KAZN: variants seen among roughly 807,000 people sequenced by gnomAD.
The protein encoded by KAZN is kazrin.
KAZN carries 40 observed loss-of-function variants against 87.4 expected under a neutral mutation model. The observed-to-expected ratio is 0.46, with a 90% CI of 0.36 to 0.60. KAZN has a LOEUF of 0.60. Ranked by LOEUF, KAZN falls within the 20% of genes least tolerant of loss-of-function variation. KAZN has a pLI of 0.00. For synonymous variants in KAZN, 466 were observed against 458.3 expected, an observed-to-expected ratio of 1.02 and a Z score of -0.22; for missense variants, 898 against 1,073.9, an observed-to-expected ratio of 0.84 and a Z score of 2.29.
intron 1 of KAZN, among the ~76,000 whole-genome samples, chr1:13,992,064 C>T (rs1229115423): frequency 1.3e-5 from 2 of 152,166 alleles, no homozygotes; most frequent in African/African-American, 4.8e-5. Context: ...CTTACCTCTG[C>T]ATTTAGCACC....
chr1:14,088,342 C>T (rs1028822178), intron 1 of KAZN, among the ~76,000 whole-genome samples: 1 of 151,826 alleles, frequency 6.6e-6, no homozygotes, highest in African/African-American at 2.4e-5. Flanking sequence ...GATATCATTT[C>T]TCACTTAATT....
intron 1 of KAZN, among the ~76,000 whole-genome samples, chr1:14,167,754 C>A (rs7537907): frequency 0.15 from 22,012 of 151,682 alleles, 1,801 homozygotes; most frequent in East Asian, 0.33. Context: ...CAAGGAAGCA[C>A]CTGAAAAATG....
intron 2 of KAZN, among the ~76,000 whole-genome samples, chr1:14,228,495 A>G (rs1400243083): frequency 6.6e-6 from 1 of 152,180 alleles, no homozygotes; most frequent in Non-Finnish European, 1.5e-5. Context: ...TGTTCTGTAG[A>G]TCACTGGGAG....
intron 1 of KAZN, among the ~76,000 whole-genome samples, chr1:13,915,127 G>T (rs1055277696): frequency 6.6e-6 from 1 of 152,180 alleles, no homozygotes; most frequent in African/African-American, 2.4e-5. Context: ...ACGTGCAGTT[G>T]TATATATGTG....
At chr1:14,685,716 T>C (rs1640914421) in intron 1 of KAZN, among the ~76,000 whole-genome samples, 1 of 152,150 alleles carries the variant, frequency 6.6e-6, no homozygotes, top group African/African-American at 2.4e-5. Flanking sequence ...AAATGCTGTT[T>C]AGTTAGATAC....
intron 8 of KAZN, among the ~76,000 whole-genome samples, chr1:15,092,802 T>C (rs1640615157): frequency 6.6e-6 from 1 of 152,146 alleles, no homozygotes. Context: ...AACCCTCTTT[T>C]AGAGAGATTC....
chr1:14,704,807 G>C (rs182619695), intron 1 of KAZN, among the ~76,000 whole-genome samples: 1 of 152,194 alleles, frequency 6.6e-6, no homozygotes, highest in Admixed American at 6.5e-5. Context: ...AGAGGAGAGT[G>C]AGGTCAAGTT....
intron 1 of KAZN, among the ~76,000 whole-genome samples, chr1:14,762,657 G>A (rs1297703022): frequency 6.6e-6 from 1 of 152,086 alleles, no homozygotes; most frequent in East Asian, 1.9e-4. Context: ...CCCGGGAGGC[G>A]GAGCTGGCAG....
chr1:14,952,658 GCC>G (rs34565024), intron 1 of KAZN, among the ~76,000 whole-genome samples: 1 of 151,760 alleles, frequency 6.6e-6, no homozygotes, highest in East Asian at 1.9e-4. Flanking sequence ...TCCACTCAGA[GCC>G]CCCCAAGCTC....
At chr1:14,567,638 C>A (rs1674622625) in intron 2 of KAZN, among the ~76,000 whole-genome samples, 1 of 152,230 alleles carries the variant, frequency 6.6e-6, no homozygotes, top group South Asian at 2.1e-4. Flanking sequence ...ACAAACCTCT[C>A]TTTTAAACCT....
At chr1:14,050,254 G>A (rs1474598421) in intron 1 of KAZN, among the ~76,000 whole-genome samples, 2 of 151,938 alleles carry the variant, frequency 1.3e-5, no homozygotes, top group African/African-American at 4.8e-5. Flanking sequence ...GTGTGGGCAT[G>A]CCTGTGCACA....
chr1:14,695,609 G>A (rs150382761), intron 1 of KAZN, among the ~76,000 whole-genome samples: 1,547 of 150,258 alleles, frequency 0.01, 28 homozygotes, highest in African/African-American at 0.036. Context: ...AGGTTCAAGC[G>A]ATTGTCTTGC....
chr1:13,980,476 A>G (rs180864663), intron 1 of KAZN, among the ~76,000 whole-genome samples: 2 of 152,346 alleles, frequency 1.3e-5, no homozygotes, highest in East Asian at 1.9e-4. Flanking sequence ...AGAAAATGGT[A>G]TAGTAATATC....
In KAZN at chr1:14,773,851, C is replaced by T. The variant is rs1048712986; in HGVS notation, c.226+174628C>T. ...CTCCTCCCCTCCCCTCCAAAGAAAACACCATCTTTCCAGGACTGATGGCAC... is the reference window on the plus strand; with the variant it reads ...CTCCTCCCCTCCCCTCCAAAGAAAATACCATCTTTCCAGGACTGATGGCAC... On this transcript the variant is annotated intron_variant, in intron 1 of 14. Coordinates refer to ENST00000376030, the MANE Select transcript of KAZN (RefSeq NM_201628.3). The surrounding 1 kb of genome is among the most constrained non-coding windows in gnomAD (Gnocchi z 5.9). Among the ~76,000 whole-genome samples, 1 of 152,174 alleles carries T rather than the reference C, an allele frequency of 6.6e-6. No homozygotes were observed. Among genetic ancestry groups the T allele is most frequent in the African/African-American group, 2.4e-5 (1 of 41,446 alleles).
chr1:14,791,137 C>T (rs1412552173), intron 1 of KAZN, among the ~76,000 whole-genome samples: 1 of 152,202 alleles, frequency 6.6e-6, no homozygotes, highest in African/African-American at 2.4e-5. Flanking sequence ...CTTGAGATGC[C>T]TCTAAATCAT....
Position 14,960,775 on chromosome 1 carries a change from G to A in KAZN, c.318G>A (p.Ser106=), listed in dbSNP as rs149192185. ...KEMLAKDLEE[S]QGGKSSEVLS... is the part of the protein sequence containing the mutation. The stretch of plus-strand genomic sequence containing the variant: ...TGTTGGCGAAGGACCTGGAGGAGTC[G>A]CAGGGCGGCAAGTCCTCTGAGGTCC... The change falls in exon 2 of 15, where the codon TCG becomes TCA. Residue 106 remains serine, a synonymous_variant. Coordinates refer to ENST00000376030, the MANE Select transcript of KAZN (RefSeq NM_201628.3). 1.1e-4 allele frequency: 182 copies of A among 1,609,474 alleles called. No homozygotes were observed. The African/African-American group carries it at 1.5e-3, about 13-fold the overall frequency.
At chr1:14,221,564 A>G (rs1361317100) in intron 2 of KAZN, among the ~76,000 whole-genome samples, 1 of 152,114 alleles carries the variant, frequency 6.6e-6, no homozygotes, top group African/African-American at 2.4e-5. Flanking sequence ...TAGGAAAATC[A>G]CTGCAGAGCT....
intron 2 of KAZN, among the ~76,000 whole-genome samples, chr1:14,576,565 A>G (rs185426558): frequency 6.6e-6 from 1 of 152,378 alleles, no homozygotes; most frequent in East Asian, 1.9e-4. Flanking sequence ...AACCAACTTT[A>G]TTCCCATTTT....
intron 1 of KAZN, among the ~76,000 whole-genome samples, chr1:14,087,092 A>G (rs1412125911): frequency 6.6e-6 from 1 of 152,196 alleles, no homozygotes; most frequent in East Asian, 1.9e-4. Flanking sequence ...GGACGTCACC[A>G]TCATCATCAT....
Sources: allele counts gnomAD v4.1 joint callset (sites outside exome capture counted in the v4.1 genomes callset), GRCh38; gene constraint gnomAD v4.1.1; non-coding constraint Gnocchi (gnomAD v3.1); transcripts MANE v1.5; gene names NCBI Gene and HGNC (gene_info 2026-07-23, HGNC 2026-07-21).